The following PDS5A variants were observed in gnomAD, a reference collection of about 807,000 sequenced individuals.
PDS5A encodes the protein sister chromatid cohesion protein PDS5 homolog A.
PDS5A carries 42 observed loss-of-function variants against 167.1 expected under a neutral mutation model. That is an observed-to-expected ratio of 0.25 (90% CI 0.20 to 0.33). The LOEUF is 0.33. PDS5A is among the 10% of genes least tolerant of loss of function. The pLI is 1.00. For synonymous variants in PDS5A, 553 were observed against 554.6 expected (o/e 1.00, Z 0.04); for missense variants, 1,033 against 1,605.9 (o/e 0.64, Z 6.10).
chr4:39,862,140 A>C, intron 26 of PDS5A, 79 bp downstream of exon 26: 2 of 515,068 alleles, frequency 3.9e-6, no homozygotes, highest in Non-Finnish European at 6.8e-6. Context: ...ATAATAAATA[A>C]AAATAATAAA....
At chr4:39,870,525 T>C (rs1578641032) in intron 21 of PDS5A, among the ~76,000 whole-genome samples, 1 of 151,550 alleles carries the variant, frequency 6.6e-6, no homozygotes, top group South Asian at 2.1e-4. Context: ...GAAGCGGAGG[T>C]TGTGATGAGC....
At chr4:39,901,701 G>A (rs904221583) in intron 13 of PDS5A, among the ~76,000 whole-genome samples, 4 of 152,118 alleles carry the variant, frequency 2.6e-5, no homozygotes, top group Non-Finnish European at 5.9e-5. Context: ...GGATGGTCAA[G>A]CTTCTAGGCT....
chr4:39,935,914 C>T (rs967635250), intron 2 of PDS5A, among the ~76,000 whole-genome samples: 7 of 152,150 alleles, frequency 4.6e-5, no homozygotes, highest in African/African-American at 2.4e-5. Flanking sequence ...AATACAAGTA[C>T]GTGTTCCTAA....
chr4:39,906,500 A>G lies in PDS5A; in HGVS notation c.1233+1895T>C, dbSNP rs569386577. On this transcript the variant is annotated intron_variant, in intron 11 of 32. Coordinates refer to ENST00000303538, the MANE Select transcript of PDS5A (RefSeq NM_001100399.2). ...AGAGGTTGGGAAGGTTTAATAGGGT[A>G]GGAAAGAAAAGTTGTAAGAGAAGAG... 2.1e-4 allele frequency among the ~76,000 whole-genome samples: 32 copies of G among 152,236 alleles called. No homozygotes were observed. The South Asian group carries it at 6.4e-3, about 31-fold the overall frequency.
chr4:39,867,163 T>A (rs926487596), intron 22 of PDS5A, 166 bp from the exon 23 acceptor site: 4 of 524,060 alleles, frequency 7.6e-6, no homozygotes, highest in African/African-American at 5.7e-5. Context: ...ATTTACTCTG[T>A]GCTTAACCAG....
At chr4:39,850,316 C>A (rs959558172) in intron 26 of PDS5A, among the ~76,000 whole-genome samples, 4 of 150,166 alleles carry the variant, frequency 2.7e-5, no homozygotes, top group African/African-American at 9.7e-5. Flanking sequence ...CGTGAGACCC[C>A]ATCTCTACAA....
intron 2 of PDS5A, among the ~76,000 whole-genome samples, chr4:39,964,675 A>C (rs1364732295): frequency 1.3e-5 from 2 of 152,230 alleles, no homozygotes; most frequent in African/African-American, 4.8e-5. Context: ...AGCCTGGGCT[A>C]TAGAGCAAGA....
At chr4:39,902,516 G>C in intron 12 of PDS5A, 56 bp from the exon 13 acceptor site, 3 of 832,080 alleles carry the variant, frequency 3.6e-6, no homozygotes, top group Non-Finnish European at 5.6e-6. Context: ...CCATTTTTAA[G>C]AAGCAATTTT....
intron 2 of PDS5A, among the ~76,000 whole-genome samples, chr4:39,942,835 GTCTTCTCA>G (rs1383233763): frequency 6.6e-6 from 1 of 152,002 alleles, no homozygotes; most frequent in Non-Finnish European, 1.5e-5. Context: ...TAAAAATCGT[GTCTTCTCA>G]AGAAGACACT....
chr4:39,961,785 ATGTCCTTAAACC>A (rs1729499080), intron 2 of PDS5A, among the ~76,000 whole-genome samples: 1 of 152,230 alleles, frequency 6.6e-6, no homozygotes, highest in South Asian at 2.1e-4. Flanking sequence ...AAATTCATTA[ATGTCCTTAAACC>A]TGTTCTCTTA....
At chr4:39,901,480 G>A (rs1352864351) in intron 13 of PDS5A, among the ~76,000 whole-genome samples, 1 of 152,048 alleles carries the variant, frequency 6.6e-6, no homozygotes, top group Non-Finnish European at 1.5e-5. Context: ...ATGTTGGCCA[G>A]GCTGGTCTCG....
intron 2 of PDS5A, among the ~76,000 whole-genome samples, chr4:39,941,197 A>AGATTTAAAAATTT (rs1727193068): frequency 6.7e-6 from 1 of 149,558 alleles, no homozygotes; most frequent in Non-Finnish European, 1.5e-5. Context: ...TGAAGGCAAT[A>AGATTTAAAAATTT]GATTTAAAAA....
Position 39,890,377 on chromosome 4 carries a change from A to AG in PDS5A, c.1771-14dup. 1 of 1,414,350 alleles carries AG rather than the reference A, an allele frequency of 7.1e-7. No individual in the cohort carries two copies. Among genetic ancestry groups the AG allele is most frequent in the East Asian group, 2.4e-5 (1 of 42,330 alleles). 87.6% of individuals were successfully genotyped at this position (1,414,350 alleles called of 1,614,324 possible). A position where few individuals can be genotyped will look rare whatever the true frequency, so the allele number is the denominator to read the frequency against. On this transcript the variant is annotated splice_polypyrimidine_tract_variant and intron_variant, in intron 16 of 32. Coordinates refer to ENST00000303538, the MANE Select transcript of PDS5A (RefSeq NM_001100399.2). ...GGGCTATTTCTCTCTATAGAAAGAAAGGAGTTTTACCAAAAACGTGATTTG... is the reference window on the plus strand; with the variant it reads ...GGGCTATTTCTCTCTATAGAAAGAAAGGGAGTTTTACCAAAAACGTGATTTG...
At chr4:39,931,021 A>C (rs769487049) in intron 2 of PDS5A, among the ~76,000 whole-genome samples, 1 of 152,202 alleles carries the variant, frequency 6.6e-6, no homozygotes, top group Non-Finnish European at 1.5e-5. Flanking sequence ...CAAAAGATAG[A>C]GAAGGGCTGG....
chr4:39,902,072 C>A (rs1392256559), intron 13 of PDS5A, among the ~76,000 whole-genome samples: 1 of 152,096 alleles, frequency 6.6e-6, no homozygotes, highest in African/African-American at 2.4e-5. Context: ...GGATAAAGCA[C>A]CAGTAGTTTT....
chr4:39,904,407 T>C (rs1263601744), intron 11 of PDS5A, among the ~76,000 whole-genome samples: 1 of 152,140 alleles, frequency 6.6e-6, no homozygotes, highest in African/African-American at 2.4e-5. Flanking sequence ...GGCAGGATCT[T>C]GGCTCACTGC....
At chr4:39,844,194 G>T (rs1717352117) in intron 30 of PDS5A, among the ~76,000 whole-genome samples, 1 of 151,886 alleles carries the variant, frequency 6.6e-6, no homozygotes, top group African/African-American at 2.4e-5. Context: ...GAAAATACTG[G>T]CTGGGTGCGG....
intron 2 of PDS5A, among the ~76,000 whole-genome samples, chr4:39,945,176 G>A (rs1372369596): frequency 6.6e-6 from 1 of 151,956 alleles, no homozygotes; most frequent in African/African-American, 2.4e-5. Context: ...TCTAAATGCA[G>A]GCGGCCGGGT....
At chr4:39,907,187 G>C (rs1446079305) in intron 11 of PDS5A, among the ~76,000 whole-genome samples, 3 of 152,164 alleles carry the variant, frequency 2.0e-5, no homozygotes, top group Admixed American at 6.5e-5. Context: ...CCACTAGGGA[G>C]AGAGTCATTT....
Sources: gnomAD v4.1 joint callset for allele counts (sites outside exome capture counted in the v4.1 genomes callset) on GRCh38, gnomAD v4.1.1 for gene constraint, MANE v1.5 for transcripts, NCBI Gene and HGNC (gene_info 2026-07-23, HGNC 2026-07-21) for gene names.